The following CIROP variants were observed in gnomAD, a reference collection of about 807,000 sequenced individuals.
The protein encoded by CIROP is ciliated left-right organizer metallopeptidase.
the CIROP span, chr14:23,100,764 G>A: frequency 2.5e-6 from 1 of 398,836 alleles, no homozygotes; most frequent in East Asian, 3.6e-5. Context: ...CTTAAGAGTG[G>A]GATGAACAAG....
the CIROP span, chr14:23,104,366 G>T: frequency 1.6e-5 from 11 of 702,382 alleles, no homozygotes; most frequent in East Asian, 3.0e-4. Flanking sequence ...TACATACATT[G>T]TCAACGACGT....
chr14:23,104,666 C>T, the CIROP span: 3 of 703,000 alleles, frequency 4.3e-6, no homozygotes, highest in East Asian at 5.4e-5. Flanking sequence ...ATCCCCCTCT[C>T]ATCCCTTCTC....
the CIROP span, chr14:23,101,453 G>T: frequency 1.7e-6 from 1 of 603,652 alleles, no homozygotes; most frequent in Non-Finnish European, 3.0e-6. Context: ...TCCCCAGGGA[G>T]CAGCTGTGAA....
the CIROP span, chr14:23,100,328 G>A: frequency 7.3e-6 from 3 of 408,680 alleles, no homozygotes; most frequent in Non-Finnish European, 1.3e-5. Flanking sequence ...ATGTGTTATT[G>A]TATGGGAGGA....
At chr14:23,102,454 T>C in the CIROP span, 1 of 702,712 alleles carries the variant, frequency 1.4e-6, no homozygotes, top group South Asian at 1.5e-5. Context: ...TCATCTTGCC[T>C]TGTCACTAGT....
the CIROP span, chr14:23,103,322 G>A: frequency 5.4e-6 from 2 of 370,574 alleles, no homozygotes; most frequent in Non-Finnish European, 4.8e-6. Flanking sequence ...GCCAAGGTGG[G>A]CAGATTGCTT....
the CIROP span, chr14:23,100,698 A>T: frequency 5.0e-6 from 2 of 399,032 alleles, no homozygotes; most frequent in Non-Finnish European, 8.8e-6. Context: ...GGACATTTGA[A>T]TCTTTTAATA....
the CIROP span, chr14:23,104,501 C>A: frequency 1.4e-6 from 1 of 702,938 alleles, no homozygotes; most frequent in Non-Finnish European, 2.6e-6. Context: ...TCAGTTTCTC[C>A]CATATCTTGG....
the CIROP span, chr14:23,104,205 A>AT: frequency 1.6e-6 from 1 of 614,878 alleles, no homozygotes; most frequent in Non-Finnish European, 2.9e-6. Context: ...CACCACCCTT[A>AT]TTTTTTCAAG....
At chr14:23,101,342 G>T in the CIROP span, 6 of 535,906 alleles carry the variant, frequency 1.1e-5, no homozygotes, top group Middle Eastern at 4.7e-4. Context: ...CCCTCCACCT[G>T]CACCTTGTAA....
the CIROP span, chr14:23,100,698 A>G: frequency 1.3e-5 from 5 of 398,914 alleles, no homozygotes; most frequent in Non-Finnish European, 1.8e-5. Flanking sequence ...GGACATTTGA[A>G]TCTTTTAATA....
At chr14:23,102,158 C>T in the CIROP span, 3 of 703,034 alleles carry the variant, frequency 4.3e-6, no homozygotes, top group South Asian at 4.4e-5. Flanking sequence ...TCTTTGAAGG[C>T]AGCGAGGGTG....
chr14:23,101,822 T>C, the CIROP span: 2 of 702,712 alleles, frequency 2.8e-6, no homozygotes, highest in East Asian at 5.4e-5. Flanking sequence ...TACAGTCCCC[T>C]AACCACTCAG....
At chr14:23,103,173 A>AG in the CIROP span, 22,751 of 430,338 alleles carry the variant, frequency 0.053, 762 homozygotes, top group East Asian at 0.11. Context: ...AGTGGTATCA[A>AG]GGGATGGCTG....
At chr14:23,101,998 A>G in the CIROP span, 4 of 701,012 alleles carry the variant, frequency 5.7e-6, no homozygotes, top group African/African-American at 7.0e-5. Context: ...AGCTTCGATT[A>G]TACATCAGCA....
chr14:23,103,986 A>T, the CIROP span, among the ~76,000 whole-genome samples: 2 of 152,194 alleles, frequency 1.3e-5, no homozygotes, highest in African/African-American at 4.8e-5. Flanking sequence ...AATAAATTTT[A>T]GCAGGGAGAG....
the CIROP span, chr14:23,101,014 G>T: frequency 2.5e-6 from 1 of 399,240 alleles, no homozygotes; most frequent in Admixed American, 4.4e-5. Flanking sequence ...TAACAGCATT[G>T]ATATCTTCAT....
At chr14:23,100,897 T>C in the CIROP span, 2 of 399,090 alleles carry the variant, frequency 5.0e-6, no homozygotes, top group Non-Finnish European at 8.8e-6. Context: ...CTGCTTCAGC[T>C]AGCCCTTCTT....
At chr14:23,100,628 A>G in the CIROP span, 1 of 399,930 alleles carries the variant, frequency 2.5e-6, no homozygotes, top group Non-Finnish European at 4.4e-6. Context: ...GGACTTCCAC[A>G]TATGCACAGT....
Sources: gnomAD v4.1 joint callset for allele counts (sites outside exome capture counted in the v4.1 genomes callset) on GRCh38, gnomAD v4.1.1 for gene constraint, MANE v1.5 for transcripts, NCBI Gene and HGNC (gene_info 2026-07-23, HGNC 2026-07-21) for gene names.